The following SLC28A1 variants were observed in gnomAD, a reference collection of about 807,000 sequenced individuals.
SLC28A1 encodes the protein solute carrier family 28 member 1, also known as sodium/nucleoside cotransporter 1.
A neutral mutation model predicts 74.8 loss-of-function variants in SLC28A1; 64 were observed. The observed-to-expected ratio is 0.86, with a 90% confidence interval of 0.70 to 1.05. SLC28A1 has a LOEUF of 1.05. Among genes scored for constraint, SLC28A1 ranks in the 50% least tolerant of loss-of-function variants. SLC28A1 has a pLI of 0.00. For missense variants in SLC28A1, 828 were observed against 822.8 expected (o/e 1.01, Z -0.08); for synonymous variants, 359 against 335.0 (o/e 1.07, Z -0.78).
intron 15 of SLC28A1, among the ~76,000 whole-genome samples, chr15:84,939,942 A>G (rs1156422568): frequency 2.0e-5 from 3 of 152,108 alleles, no homozygotes; most frequent in Admixed American, 2.0e-4. Context: ...CTCCTGCCTC[A>G]GCCCCTGTGT....
rs979353373 is a variant in SLC28A1 at position 84,910,745 on chromosome 15, A to G, written c.795+1950A>G. 2.6e-5 allele frequency among the ~76,000 whole-genome samples: 4 copies of G among 152,172 alleles called. No homozygotes were observed. The East Asian group carries it at 7.7e-4, about 29-fold the overall frequency. On this transcript the variant is annotated intron_variant, in intron 9 of 18. Coordinates refer to ENST00000394573, the MANE Select transcript of SLC28A1 (RefSeq NM_004213.5). ...CTGCATCTCAACAAAACAAAACAAA[A>G]CAAAACAAAAACACACACACCCGAC...
chr15:84,935,347 T>C lies in SLC28A1; in HGVS notation c.1410T>C (p.Pro470=), dbSNP rs1971758225. The C allele has an allele frequency of 6.2e-7, 1 of 1,614,224 alleles. No individual in the cohort carries two copies. The highest frequency in any genetic ancestry group is 8.5e-7 in the Non-Finnish European group (1 of 1,180,036). Reference sequence around the variant, plus strand: ...TCATCTGCTCCTACATCCTGCGGCCTGTAGCCTTCTTGATGGGTGTGGCGT... The same window carrying C: ...TCATCTGCTCCTACATCCTGCGGCCCGTAGCCTTCTTGATGGGTGTGGCGT... ...FQLICSYILR[P]VAFLMGVAWE... is the part of the protein sequence containing the mutation. Residue 470 remains proline (P), a synonymous_variant, in exon 15 of 19, where the codon CCT becomes CCC. Coordinates refer to ENST00000394573, the MANE Select transcript of SLC28A1 (RefSeq NM_004213.5).
At chr15:84,922,866 G>A (rs912234131) in intron 11 of SLC28A1, among the ~76,000 whole-genome samples, 1 of 152,204 alleles carries the variant, frequency 6.6e-6, no homozygotes, top group Admixed American at 6.5e-5. Flanking sequence ...CATGTCACTG[G>A]CTCCTTCAGG....
the SLC28A1 span, among the ~76,000 whole-genome samples, chr15:84,960,228 C>CTTTTTTTTTTTTTTTTTT: frequency 2.3e-5 from 2 of 85,590 alleles, 1 homozygote; most frequent in East Asian, 7.2e-4. Context: ...TGCCTGCCTG[C>CTTTTTTTTTTTTTTTTTT]TTTTTTTTTT....
chr15:84,940,064 G>A (rs1322161370), intron 15 of SLC28A1, among the ~76,000 whole-genome samples: 1 of 152,166 alleles, frequency 6.6e-6, no homozygotes, highest in Non-Finnish European at 1.5e-5. Context: ...CTGACCTCAA[G>A]CAATCCTTCT....
At chr15:84,971,053 T>A in the SLC28A1 span, among the ~76,000 whole-genome samples, 2 of 152,188 alleles carry the variant, frequency 1.3e-5, no homozygotes, top group African/African-American at 2.4e-5. Context: ...CCTTATCTGC[T>A]GTTTGTTGAT....
At position 84,924,052 on chromosome 15, in the gene SLC28A1, T is replaced by C. The variant is rs1353085508; in HGVS notation, c.1025T>C (p.Met342Thr). ...DMTLSEVHVV[M>T]TGGYATIAGS... The stretch of plus-strand genomic sequence containing the variant: ...ACACTCTCTGAAGTCCACGTTGTCA[T>C]GACCGGAGGTTACGCCACCATTGCT... The change falls in exon 12 of 19, where the codon ATG becomes ACG. Residue 342 changes from methionine (M) to threonine (T), a missense_variant. Around this residue, in one of 3 missense-constraint regions of SLC28A1, gnomAD observed 767 missense variants for 753.5 expected, o/e 1.02. Coordinates refer to ENST00000394573, the MANE Select transcript of SLC28A1 (RefSeq NM_004213.5). 1 of 1,614,018 alleles carries C rather than the reference T, an allele frequency of 6.2e-7. No homozygotes were observed. The highest frequency in any genetic ancestry group is 8.5e-7 in the Non-Finnish European group (1 of 1,180,014).
At chr15:84,949,565 ATTTTTTTTTT>A (rs11318236), downstream of SLC28A1, among the ~76,000 whole-genome samples, 1 of 103,884 alleles carries the variant, frequency 9.6e-6, no homozygotes, top group Admixed American at 1.1e-4. Flanking sequence ...TGCCCGGCTA[ATTTTTTTTTT>A]TTTTTTTTTT....
intron 1 of SLC28A1, among the ~76,000 whole-genome samples, chr15:84,885,439 A>G (rs1038828456): frequency 6.6e-6 from 1 of 151,592 alleles, no homozygotes; most frequent in Admixed American, 6.6e-5. Context: ...GGAAAAAAAA[A>G]GTGGAGAAAA....
At chr15:84,902,731 GT>G (rs200395938) in intron 6 of SLC28A1, among the ~76,000 whole-genome samples, 43,120 of 139,684 alleles carry the variant, frequency 0.31, 5,901 homozygotes, top group African/African-American at 0.36. Context: ...AAGCATTTAA[GT>G]TTTTTTTTTT....
At chr15:84,971,915 G>C in the SLC28A1 span, among the ~76,000 whole-genome samples, 310 of 152,290 alleles carry the variant, frequency 2.0e-3, 2 homozygotes, top group African/African-American at 7.2e-3. Context: ...CCAAAGTGCT[G>C]GGATTACAGG....
Position 84,944,852 on chromosome 15 carries a change from G to T in SLC28A1, c.1859G>T (p.Arg620Leu), listed in dbSNP as rs147924097. The change falls in exon 18 of 19, where the codon CGT becomes CTT. Residue 620 changes from arginine (R) to leucine (L), a missense_variant. Physicochemically the swap from Arg to Leu is moderately radical, Grantham distance 102. Coordinates refer to ENST00000394573, the MANE Select transcript of SLC28A1 (RefSeq NM_004213.5). ...SSSFEIYQCC[R>L]EAFQSVNPEF... is the part of the protein sequence containing the mutation. ...AGCTTTGAGATTTACCAGTGCTGCC[G>T]TGAGGCCTTCCAGAGGTGAGGGCCT... is the stretch of plus-strand genomic sequence containing the variant. 1 of 1,612,502 alleles carries T rather than the reference G, an allele frequency of 6.2e-7. No individual in the cohort carries two copies. Among genetic ancestry groups the T allele is most frequent in the Non-Finnish European group, 8.5e-7 (1 of 1,178,640 alleles).
intron 6 of SLC28A1, among the ~76,000 whole-genome samples, 191 bp from the exon 7 acceptor site, chr15:84,903,906 C>T (rs140121662): frequency 1.3e-5 from 2 of 152,286 alleles, no homozygotes; most frequent in East Asian, 3.9e-4. Context: ...AGGTGATCTG[C>T]CTGAGGTCAC....
intron 9 of SLC28A1, 32 bp downstream of exon 9, chr15:84,908,827 A>G: frequency 6.4e-7 from 1 of 1,574,044 alleles, no homozygotes; most frequent in South Asian, 1.1e-5. Flanking sequence ...AGAGGCCTTT[A>G]GCAGCCACCG....
intron 9 of SLC28A1, among the ~76,000 whole-genome samples, chr15:84,910,094 C>T (rs1967914424): frequency 6.6e-6 from 1 of 152,198 alleles, no homozygotes; most frequent in Admixed American, 6.5e-5. Flanking sequence ...CCAGCAGACT[C>T]CTAGGGAATG....
the SLC28A1 span, among the ~76,000 whole-genome samples, chr15:84,953,843 G>A: frequency 6.6e-6 from 1 of 152,188 alleles, no homozygotes; most frequent in Non-Finnish European, 1.5e-5. Flanking sequence ...TCTTTTGGTT[G>A]CAAATGACAG....
chr15:84,945,470 C>T lies in SLC28A1; in HGVS notation c.*270C>T, dbSNP rs2079170977. On this transcript the variant is annotated 3_prime_UTR_variant, in exon 19 of 19. Coordinates refer to ENST00000394573, the MANE Select transcript of SLC28A1 (RefSeq NM_004213.5). ...TCTCAGGGTCACTTCTGCCTCCTCC[C>T]GTTTCCCCTCCACATCCAAACAGCA... 1.5e-5 allele frequency: 7 copies of T among 474,988 alleles called. No homozygotes were observed. Among genetic ancestry groups the T allele is most frequent in the African/African-American group, 4.0e-5 (2 of 50,624 alleles). The allele number at this position is 474,988 out of a possible 1,614,324, so 29.4% of individuals were successfully genotyped here.
downstream of SLC28A1, among the ~76,000 whole-genome samples, chr15:84,948,596 C>A (rs539471470): frequency 6.6e-6 from 1 of 152,232 alleles, no homozygotes; most frequent in South Asian, 2.1e-4. Flanking sequence ...TGGCTTGGAG[C>A]TGACCTCATT....
the SLC28A1 span, among the ~76,000 whole-genome samples, chr15:84,957,272 T>A: frequency 6.6e-6 from 1 of 152,138 alleles, no homozygotes; most frequent in South Asian, 2.1e-4. Context: ...TGTTTTGTTT[T>A]GTTTTGTTTT....
Sources: allele counts gnomAD v4.1 joint callset (sites outside exome capture counted in the v4.1 genomes callset), GRCh38; gene constraint gnomAD v4.1.1; regional missense constraint gnomAD v4.1.1; transcripts MANE v1.5; gene names NCBI Gene and HGNC (gene_info 2026-07-23, HGNC 2026-07-21).